ZNF432: variants seen among roughly 807,000 people sequenced by gnomAD.
ZNF432 encodes zinc finger protein 432.
ZNF432 carries 10 observed loss-of-function variants against 13.9 expected under a neutral mutation model. The observed-to-expected ratio is 0.72, with a 90% CI of 0.44 to 1.22. ZNF432 has a LOEUF of 1.22. Among genes scored for constraint, ZNF432 ranks in the 50% most tolerant of loss-of-function variants. ZNF432 has a pLI of 0.00. For synonymous variants in ZNF432, 247 were observed against 256.2 expected (o/e 0.96, Z 0.34); for missense variants, 793 against 796.2 (o/e 1.00, Z 0.05).
intron 2 of ZNF432, among the ~76,000 whole-genome samples, chr19:52,045,732 C>A (rs1298483575): frequency 1.3e-5 from 2 of 150,838 alleles, no homozygotes; most frequent in African/African-American, 4.9e-5. Flanking sequence ...CAGTGGCTCA[C>A]GCCTGTAATC....
At chr19:52,040,119 A>G (rs1472748637) in intron 4 of ZNF432, among the ~76,000 whole-genome samples, 1 of 152,246 alleles carries the variant, frequency 6.6e-6, no homozygotes, top group Non-Finnish European at 1.5e-5. Context: ...GATGAACTAA[A>G]GGAAAAGTAG....
chr19:52,048,178 C>CAAAAAAAAAA (rs1446041557), intron 1 of ZNF432, among the ~76,000 whole-genome samples: 5 of 143,930 alleles, frequency 3.5e-5, no homozygotes, highest in African/African-American at 1.4e-4. Context: ...CACACACACA[C>CAAAAAAAAAA]ACACAAAACC....
chr19:52,034,745 TATG>T lies in ZNF432; in HGVS notation c.931_933del (p.His311del). The stretch of plus-strand genomic sequence containing the variant: ...CTACATATATAGGATTTCTCTCCAG[TATG>T]ATTTCGCTGATGTACAATGAGATTA... On this transcript the variant is annotated inframe_deletion, in exon 5 of 5. Coordinates refer to ENST00000221315, the MANE Select transcript of ZNF432 (RefSeq NM_014650.4). The T allele has an allele frequency of 6.2e-7, 1 of 1,613,386 alleles. No homozygotes were observed. The highest frequency in any genetic ancestry group is 8.5e-7 in the Non-Finnish European group (1 of 1,179,750).
chr19:52,035,695 G>T (rs1280867582), intron 4 of ZNF432, among the ~76,000 whole-genome samples: 1 of 152,124 alleles, frequency 6.6e-6, no homozygotes, highest in African/African-American at 2.4e-5. Flanking sequence ...ATCATGCCTA[G>T]CTAATTTTTG....
intron 4 of ZNF432, 85 bp downstream of exon 4, chr19:52,040,403 C>G: frequency 1.7e-6 from 2 of 1,148,362 alleles, no homozygotes; most frequent in Non-Finnish European, 2.6e-6. Context: ...CTAATGTAGG[C>G]ACTGCTTCTG....
At chr19:52,036,868 G>A (rs1319266482) in intron 4 of ZNF432, among the ~76,000 whole-genome samples, 1 of 152,046 alleles carries the variant, frequency 6.6e-6, no homozygotes, top group Non-Finnish European at 1.5e-5. Context: ...ATGGAGTCTT[G>A]CCATATTGCC....
In ZNF432 at chr19:52,033,831, T is replaced by C. The variant is rs200065789; in HGVS notation, c.1848A>G (p.Gln616=). The C allele has an allele frequency of 3.7e-5, 60 of 1,613,328 alleles. 1 individual carries two copies. In the Admixed American group the frequency reaches 6.5e-4, roughly 17 times the overall value. Residue 616 remains glutamine, a synonymous_variant, in exon 5 of 5, where the codon CAA becomes CAG. Coordinates refer to ENST00000221315, the MANE Select transcript of ZNF432 (RefSeq NM_014650.4). ...AGGGTTTCTCTCCTGTATGAGTTCG[T>C]TGATGAACAATTAGACGGCTCTTCA... is the stretch of plus-strand genomic sequence containing the variant. ...FTMKSRLIVH[Q]RTHTGEKPFV... is the part of the protein sequence containing the mutation.
chr19:52,038,725 C>T (rs2087107296), intron 4 of ZNF432, among the ~76,000 whole-genome samples: 4 of 152,202 alleles, frequency 2.6e-5, no homozygotes, highest in Admixed American at 2.6e-4. Context: ...TAATTAACCC[C>T]TTTATTGTTA....
At chr19:52,047,820 G>T in intron 1 of ZNF432, among the ~76,000 whole-genome samples, 1 of 151,912 alleles carries the variant, frequency 6.6e-6, no homozygotes, top group African/African-American at 2.4e-5. Context: ...GAAAATAGCC[G>T]CCTTTATATA....
rs1405700062 is a variant in ZNF432 at position 52,031,636 on chromosome 19, C to A, written c.*2084G>T. 6.6e-6 allele frequency: 1 copy of A among 152,140 alleles called. No individual in the cohort carries two copies. The highest frequency in any genetic ancestry group is 2.4e-5 in the African/African-American group (1 of 41,426). 9.4% of individuals were successfully genotyped at this position (152,140 alleles called of 1,614,324 possible). On this transcript the variant is annotated 3_prime_UTR_variant, in exon 5 of 5. Coordinates refer to ENST00000221315, the MANE Select transcript of ZNF432 (RefSeq NM_014650.4). Reference sequence around the variant, plus strand: ...CATTTTAATAGCATTCTTGAAATAACAAAATTAGGGTAATGGGATCAGTGG... The same window carrying A: ...CATTTTAATAGCATTCTTGAAATAAAAAAATTAGGGTAATGGGATCAGTGG...
intron 2 of ZNF432, among the ~76,000 whole-genome samples, chr19:52,041,921 T>C (rs927776722): frequency 1.3e-5 from 2 of 152,196 alleles, no homozygotes; most frequent in East Asian, 3.9e-4. Flanking sequence ...CTGATATAAA[T>C]TGTTTCATTC....
Position 52,034,524 on chromosome 19 carries a change from C to T in ZNF432, c.1155G>A (p.Lys385=). The T allele has an allele frequency of 6.2e-7, 1 of 1,613,668 alleles. No individual in the cohort carries two copies. The highest frequency in any genetic ancestry group is 2.2e-5 in the East Asian group (1 of 44,824). Residue 385 remains lysine (K), a synonymous_variant, in exon 5 of 5, where the codon AAG becomes AAA. Coordinates refer to ENST00000221315, the MANE Select transcript of ZNF432 (RefSeq NM_014650.4). ...CNECGKGFTM[K]SRMIEHQRTH... ...TTCGTTGATGTTCGATCATACGGCTCTTCATGGTGAAGCCTTTCCCACATT... is the reference window on the plus strand; with the variant it reads ...TTCGTTGATGTTCGATCATACGGCTTTTCATGGTGAAGCCTTTCCCACATT...
rs984924556 is a variant in ZNF432 at position 52,032,809 on chromosome 19, G to A, written c.*911C>T. On this transcript the variant is annotated 3_prime_UTR_variant, in exon 5 of 5. Transcript: ENST00000221315. ...CTTTTTAAAGTTACTCTTCATATAA[G>A]TTTTATTTCTGTATGAAGTAATGAT... is the stretch of plus-strand genomic sequence containing the variant. The A allele has an allele frequency of 2.0e-5, 3 of 152,058 alleles. No individual in the cohort carries two copies. Among genetic ancestry groups the A allele is most frequent in the Non-Finnish European group, 2.9e-5 (2 of 68,018 alleles). The allele number at this position is 152,058 out of a possible 1,614,324, so 9.4% of individuals were successfully genotyped here. A position where few individuals can be genotyped will look rare whatever the true frequency, so the allele number is the denominator to read the frequency against.
intron 2 of ZNF432, among the ~76,000 whole-genome samples, chr19:52,046,159 C>A (rs1024725641): frequency 6.6e-6 from 1 of 151,972 alleles, no homozygotes; most frequent in South Asian, 2.1e-4. Flanking sequence ...AGTTATCAAA[C>A]ATGGCACCCA....
rs750106757 is a variant in ZNF432, at chr19:52,042,872, C to G, written c.16-1266G>C. ...CAACTGTTAATAGAAGGAAAAGATG[C>G]ATTACCATCAAAAGAAAAATAAAAT... On this transcript the variant is annotated intron_variant, in intron 2 of 4. Coordinates refer to ENST00000221315, the MANE Select transcript of ZNF432 (RefSeq NM_014650.4). Among the ~76,000 whole-genome samples the G allele has an allele frequency of 3.9e-5, 6 of 152,230 alleles. No homozygotes were observed. The East Asian group carries it at 1.2e-3, about 29-fold the overall frequency.
Position 52,034,957 on chromosome 19 carries a change from A to G in ZNF432, c.722T>C (p.Val241Ala). 1 of 1,612,494 alleles carries G rather than the reference A, an allele frequency of 6.2e-7. No homozygotes were observed. Among genetic ancestry groups the G allele is most frequent in the South Asian group, 1.1e-5 (1 of 90,666 alleles). ...ATTTAGCCTGGACTTTCTGGAGAAC[A>G]CTTTTGCACACAAAGTACATCCATA... ...KPYGCTLCAKVFSRKSRLNEH... is the reference protein window; with the variant it reads ...KPYGCTLCAKAFSRKSRLNEH... The change falls in exon 5 of 5, where the codon GTG becomes GCG. Residue 241 changes from valine (V) to alanine (A), a missense_variant. Val to Ala is a moderately conservative substitution (Grantham distance 64). Transcript: ENST00000221315.
Position 52,034,595 on chromosome 19 carries a change from T to G in ZNF432, c.1084A>C (p.Ile362Leu). The change falls in exon 5 of 5, where the codon ATA becomes CTA. Residue 362 changes from isoleucine (I) to leucine (L), a missense_variant. Transcript: ENST00000221315. Reference protein sequence around the residue: ...KGFTTKHYVIIHQRNHTGEKP... With the variant: ...KGFTTKHYVILHQRNHTGEKP... ...TCTCCTGTATGATTTCGTTGATGTA[T>G]GATGACATAGTGTTTTGTGGTGAAG... 1 of 1,612,872 alleles carries G rather than the reference T, an allele frequency of 6.2e-7. No homozygotes were observed. The highest frequency in any genetic ancestry group is 8.5e-7 in the Non-Finnish European group (1 of 1,179,718).
Position 52,033,532 on chromosome 19 carries a change from G to T in ZNF432, c.*188C>A, listed in dbSNP as rs1045753281. On this transcript the variant is annotated 3_prime_UTR_variant, in exon 5 of 5. Transcript: ENST00000221315. The stretch of plus-strand genomic sequence containing the variant: ...ATTTTCTATACATTGGTACATCAAA[G>T]AATTCAGAGCCTGAATTCATGTTGA... The T allele has an allele frequency of 2.2e-5, 14 of 626,776 alleles. No homozygotes were observed. Among genetic ancestry groups the T allele is most frequent in the African/African-American group, 3.7e-5 (2 of 54,436 alleles). 38.8% of individuals were successfully genotyped at this position (626,776 alleles called of 1,614,324 possible).
rs2087025259 is a variant in ZNF432 at position 52,032,580 on chromosome 19, C to CA, written c.*1139_*1140insT. The CA allele has an allele frequency of 1.3e-5, 2 of 151,884 alleles. No individual in the cohort carries two copies. The highest frequency in any genetic ancestry group is 4.2e-4 in the South Asian group (2 of 4,806). 9.4% of individuals were successfully genotyped at this position (151,884 alleles called of 1,614,324 possible). On this transcript the variant is annotated 3_prime_UTR_variant, in exon 5 of 5. Transcript: ENST00000221315. ...CCTCCAGAGTAGCTGGGATTACAAG[C>CA]GTGAGCCACCATGCTCGGCTAATTT...
Sources: gnomAD v4.1 joint callset for allele counts (sites outside exome capture counted in the v4.1 genomes callset) on GRCh38, gnomAD v4.1.1 for gene constraint, MANE v1.5 for transcripts, NCBI Gene and HGNC (gene_info 2026-07-23, HGNC 2026-07-21) for gene names.